The following PTPA variants were observed in gnomAD, a reference collection of about 807,000 sequenced individuals.
PTPA encodes protein phosphatase 2 phosphatase activator, also known as serine/threonine-protein phosphatase 2A activator.
PTPA carries 13 observed loss-of-function variants against 43.6 expected under a neutral mutation model. The observed-to-expected ratio is 0.30, with a 90% CI of 0.19 to 0.47. The LOEUF (loss-of-function observed/expected upper bound fraction) is 0.47, where lower values mean the gene tolerates loss of function less well. PTPA is among the 20% of genes least tolerant of loss of function. The probability of loss-of-function intolerance (pLI) is 0.99; values close to 1 mark genes in which losing one functional copy is unlikely to be tolerated. For missense variants in PTPA, 329 were observed against 411.9 expected (o/e 0.80, Z 1.74); for synonymous variants, 172 against 158.2 (o/e 1.09, Z -0.66).
chr9:129,146,879 G>T (rs1187297002), intron 9 of PTPA, among the ~76,000 whole-genome samples: 2 of 152,260 alleles, frequency 1.3e-5, no homozygotes, highest in Non-Finnish European at 1.5e-5. Context: ...TTGCCCAGGG[G>T]TGGGGGGAAC....
chr9:129,115,566 G>A (rs1848808762), intron 1 of PTPA, among the ~76,000 whole-genome samples: 1 of 152,254 alleles, frequency 6.6e-6, no homozygotes, highest in East Asian at 1.9e-4. Flanking sequence ...TAGGAGGAAG[G>A]CAGGGGGACA....
Position 129,136,522 on chromosome 9 carries a change from C to A in PTPA, c.612C>A (p.Ala204=), listed in dbSNP as rs17508881. Residue 204 remains alanine (A), a synonymous_variant, in exon 7 of 10, where the codon GCC becomes GCA. Coordinates refer to ENST00000393370, the MANE Select transcript of PTPA (RefSeq NM_178000.3). ...KLQKTYRMEP[A]GSQGVWGLDD... is the part of the protein sequence containing the mutation. ...AGAAAACATACAGGATGGAGCCAGC[C>A]GGCAGCCAGGGAGTGTGGGGTCTGG... 6.2e-7 allele frequency: 1 copy of A among 1,613,722 alleles called. No individual in the cohort carries two copies. The highest frequency in any genetic ancestry group is 8.5e-7 in the Non-Finnish European group (1 of 1,179,868).
Position 129,136,606 on chromosome 9 carries a change from G to T in PTPA, c.685+11G>T, listed in dbSNP as rs758397055. ...GTTCGCAGCTGATAGGTACTAGAGC[G>T]GGAGGTGCCTATCCCTCCACCCCCA... On this transcript the variant is annotated intron_variant, in intron 7 of 9. Coordinates refer to ENST00000393370, the MANE Select transcript of PTPA (RefSeq NM_178000.3). 1.2e-6 allele frequency: 2 copies of T among 1,602,492 alleles called. No individual in the cohort carries two copies. Among genetic ancestry groups the T allele is most frequent in the Non-Finnish European group, 1.7e-6 (2 of 1,173,336 alleles).
At chr9:129,122,270 CT>C (rs755821207) in intron 2 of PTPA, among the ~76,000 whole-genome samples, 1 of 152,066 alleles carries the variant, frequency 6.6e-6, no homozygotes, top group South Asian at 2.1e-4. Context: ...ACCTGGCAAA[CT>C]TTTTAATTTT....
At chr9:129,145,449 A>C (rs1851234381) in intron 9 of PTPA, among the ~76,000 whole-genome samples, 1 of 152,130 alleles carries the variant, frequency 6.6e-6, no homozygotes, top group African/African-American at 2.4e-5. Context: ...TGTTGCCTAC[A>C]CAGAGGTCCA....
At chr9:129,142,971 A>C (rs1017697349) in intron 9 of PTPA, 81 of 1,367,238 alleles carry the variant, frequency 5.9e-5, no homozygotes, top group Non-Finnish European at 7.5e-5. Flanking sequence ...GCTGCCTTCA[A>C]ATGTTAGTGT....
chr9:129,122,989 G>A (rs1240436576), intron 2 of PTPA, 63 bp from the exon 3 acceptor site: 15 of 1,302,280 alleles, frequency 1.2e-5, no homozygotes, highest in East Asian at 7.0e-5. Context: ...GGAGCTCGGG[G>A]CAGGTGGGGC....
rs937409559 is a variant in PTPA, at chr9:129,137,695, G to A, written c.786+3G>A. 1 of 1,592,510 alleles carries A rather than the reference G, an allele frequency of 6.3e-7. No homozygotes were observed. Among genetic ancestry groups the A allele is most frequent in the South Asian group, 1.1e-5 (1 of 88,450 alleles). On this transcript the variant is annotated splice_donor_region_variant and intron_variant, in intron 8 of 9. Coordinates refer to ENST00000393370, the MANE Select transcript of PTPA (RefSeq NM_178000.3). The stretch of plus-strand genomic sequence containing the variant: ...AGTGTATCCTGTTTATTACCGAGGT[G>A]AGGAGGAGGGGTGAGAGAGAAGCCC...
In PTPA at chr9:129,129,016, C is replaced by T. The variant is rs200309124; in HGVS notation, c.248C>T (p.Thr83Met). Residue 83 changes from threonine (T) to methionine (M), a missense_variant, in exon 4 of 10, where the codon ACG becomes ATG. Physicochemically the swap from Thr to Met is moderately conservative, Grantham distance 81. Transcript: ENST00000393370. Reference sequence around the variant, plus strand: ...GAGAAACTAGTCGCTCTTCTCAACACGCTGGACAGGTGGATTGATGAGACT... The same window carrying T: ...GAGAAACTAGTCGCTCTTCTCAACATGCTGGACAGGTGGATTGATGAGACT... ...AIEKLVALLN[T>M]LDRWIDETPP... 356 of 1,613,022 alleles carry T rather than the reference C, an allele frequency of 2.2e-4. No homozygotes were observed. The highest frequency in any genetic ancestry group is 2.7e-4 in the Non-Finnish European group (324 of 1,180,000).
At chr9:129,146,535 A>G (rs952420379) in intron 9 of PTPA, among the ~76,000 whole-genome samples, 4 of 152,178 alleles carry the variant, frequency 2.6e-5, no homozygotes, top group African/African-American at 4.8e-5. Context: ...GGTGCCTAAC[A>G]TACTCTGTTT....
rs1257781749 is a variant in PTPA at position 129,129,475 on chromosome 9, C to CT, written c.342+378dup. 9.0e-3 allele frequency among the ~76,000 whole-genome samples: 1,302 copies of CT among 144,310 alleles called. 6 individuals are homozygous for CT. The highest frequency in any genetic ancestry group is 0.018 in the African/African-American group (722 of 39,452). 94.7% of individuals were successfully genotyped at this position (144,310 alleles called of 152,430 possible). ...GAATTTTTTTTATTTTTTATTTTAT[C>CT]TTTTTTTTTTTTTAGACGGAGTCTC... On this transcript the variant is annotated intron_variant, in intron 4 of 9. Transcript: ENST00000393370.
intron 1 of PTPA, among the ~76,000 whole-genome samples, chr9:129,112,797 C>T (rs1029605692): frequency 3.9e-5 from 6 of 152,172 alleles, no homozygotes; most frequent in African/African-American, 9.6e-5. Context: ...CAAAATTAGC[C>T]GGGCGTGGTG....
chr9:129,139,758 G>A (rs1010140287), intron 8 of PTPA: 2 of 152,102 alleles, frequency 1.3e-5, no homozygotes, highest in Non-Finnish European at 2.9e-5. Context: ...GATTCACCAT[G>A]GTGCTCTTTT....
intron 4 of PTPA, among the ~76,000 whole-genome samples, chr9:129,131,277 C>A (rs528591756): frequency 6.6e-6 from 1 of 152,264 alleles, no homozygotes; most frequent in African/African-American, 2.4e-5. Context: ...TTTCCAGATT[C>A]CTCCTGTTTT....
At chr9:129,138,393 T>C (rs1375440909) in intron 8 of PTPA, among the ~76,000 whole-genome samples, 2 of 152,134 alleles carry the variant, frequency 1.3e-5, no homozygotes, top group Non-Finnish European at 2.9e-5. Flanking sequence ...ATCAGAATCT[T>C]AGGGGACAAG....
At chr9:129,144,838 A>G (rs1437181946) in intron 9 of PTPA, among the ~76,000 whole-genome samples, 1 of 150,614 alleles carries the variant, frequency 6.6e-6, no homozygotes, top group East Asian at 2.0e-4. Context: ...TTCGAGACCA[A>G]CCTGGGCAAC....
chr9:129,116,388 T>C (rs1229940692), intron 1 of PTPA, among the ~76,000 whole-genome samples: 2 of 144,746 alleles, frequency 1.4e-5, no homozygotes, highest in African/African-American at 5.3e-5. Context: ...GGGTTTCTTT[T>C]TTTTTTTTTT....
At chr9:129,129,290 G>T (rs1487616171) in intron 4 of PTPA, among the ~76,000 whole-genome samples, 180 bp downstream of exon 4, 2 of 152,076 alleles carry the variant, frequency 1.3e-5, no homozygotes, top group African/African-American at 4.8e-5. Flanking sequence ...GTCATCTTCT[G>T]GGAAACACGA....
At chr9:129,134,431 G>A (rs773369904) in intron 5 of PTPA, among the ~76,000 whole-genome samples, 1 of 149,102 alleles carries the variant, frequency 6.7e-6, no homozygotes, top group Non-Finnish European at 1.5e-5. Flanking sequence ...AGCCTCCTGA[G>A]TAGTTGGGAC....
Sources: gnomAD v4.1 joint callset for allele counts (sites outside exome capture counted in the v4.1 genomes callset) on GRCh38, gnomAD v4.1.1 for gene constraint, MANE v1.5 for transcripts, NCBI Gene and HGNC (gene_info 2026-07-23, HGNC 2026-07-21) for gene names.